Variants in OR51B5 observed in about 807,000 individuals in gnomAD.
OR51B5 encodes olfactory receptor 51B5.
For synonymous variants in OR51B5, 186 were observed against 144.8 expected (o/e 1.28, Z -2.04); for missense variants, 456 against 374.6 (o/e 1.22, Z -1.79).
At chr11:5,360,987 C>G (rs12287358) in intron 1 of OR51B5, among the ~76,000 whole-genome samples, 1 of 145,724 alleles carries the variant, frequency 6.9e-6, no homozygotes, top group African/African-American at 2.6e-5. Flanking sequence ...CCAGGGCCTG[C>G]AGTGGGGTGG....
intron 1 of OR51B5, chr11:5,392,184 T>C (rs780471536): frequency 6.6e-6 from 1 of 152,272 alleles, no homozygotes; most frequent in African/African-American, 2.4e-5. Context: ...CATGTTTGTA[T>C]GTGTGGGTGT....
At chr11:5,373,944 A>C (rs975286205) in intron 1 of OR51B5, among the ~76,000 whole-genome samples, 3 of 152,216 alleles carry the variant, frequency 2.0e-5, no homozygotes, top group Admixed American at 6.5e-5. Flanking sequence ...CTGCAGACTT[A>C]AATGTCCCTG....
intron 1 of OR51B5, chr11:5,441,233 A>T: frequency 1.9e-6 from 3 of 1,614,010 alleles, no homozygotes; most frequent in Non-Finnish European, 2.5e-6. Flanking sequence ...CATTAAACGC[A>T]ACATGGTTGT....
At chr11:5,440,973 C>A (rs867585443) in intron 1 of OR51B5, 1 of 1,613,892 alleles carries the variant, frequency 6.2e-7, no homozygotes, top group South Asian at 1.1e-5. Flanking sequence ...TGGATGGAGA[C>A]AGTAGGAGTG....
At chr11:5,342,436 A>G, downstream of OR51B5, 1 of 961,708 alleles carries the variant, frequency 1.0e-6, no homozygotes, top group Non-Finnish European at 1.5e-6. Context: ...AGTTGGGCTT[A>G]AAGAGATACC....
chr11:5,488,687 C>A, intron 1 of OR51B5: 3 of 1,514,158 alleles, frequency 2.0e-6, no homozygotes, highest in Non-Finnish European at 2.7e-6. Flanking sequence ...TCAGAAAGAG[C>A]CCTTCATTTG....
intron 1 of OR51B5, among the ~76,000 whole-genome samples, chr11:5,409,608 G>GAAAGCACAAAAATTGAAAATAT (rs1422125180): frequency 6.6e-6 from 1 of 152,010 alleles, no homozygotes; most frequent in East Asian, 1.9e-4. Flanking sequence ...ATAGCCAAAT[G>GAAAGCACAAAAATTGAAAATAT]AAAGCACAAA....
chr11:5,341,118 T>C (rs1379643714), downstream of OR51B5: 1 of 152,174 alleles, frequency 6.6e-6, no homozygotes, highest in East Asian at 1.9e-4. Context: ...TTTCTTAAGT[T>C]GGACTCTCTA....
At chr11:5,371,511 A>C (rs59397650) in intron 1 of OR51B5, among the ~76,000 whole-genome samples, 4,687 of 152,198 alleles carry the variant, frequency 0.031, 239 homozygotes, top group African/African-American at 0.11. Context: ...AGAGAAAAAC[A>C]TATATCTCAT....
exon 1 of OR51B5, chr11:5,343,145 G>A: frequency 1.2e-6 from 2 of 1,613,858 alleles, no homozygotes; most frequent in Non-Finnish European, 8.5e-7. Context: ...ATATCTAAGA[G>A]GGTTGCAGAT....
At chr11:5,440,963 T>C in intron 1 of OR51B5, 3 of 1,613,930 alleles carry the variant, frequency 1.9e-6, no homozygotes, top group South Asian at 1.1e-5. Flanking sequence ...TCATGAGATC[T>C]GGATGGAGAC....
At chr11:5,351,721 A>C in intron 1 of OR51B5, 2 of 1,613,976 alleles carry the variant, frequency 1.2e-6, no homozygotes, top group Non-Finnish European at 8.5e-7. Context: ...CCTCGGAGTG[A>C]CATTGACCAC....
At chr11:5,343,700 T>G, upstream of OR51B5, 1 of 511,536 alleles carries the variant, frequency 2.0e-6, no homozygotes, top group Non-Finnish European at 3.4e-6. Context: ...CTCATACTAT[T>G]TGTATTCTTA....
At chr11:5,385,915 G>T (rs11037143) in intron 1 of OR51B5, among the ~76,000 whole-genome samples, 26,950 of 148,362 alleles carry the variant, frequency 0.18, 2,596 homozygotes, top group African/African-American at 0.26. Context: ...TTATACATAT[G>T]TGTACTTATA....
At chr11:5,445,926 T>TA (rs1472692197) in intron 1 of OR51B5, among the ~76,000 whole-genome samples, 4 of 152,012 alleles carry the variant, frequency 2.6e-5, no homozygotes, top group East Asian at 1.9e-4. Flanking sequence ...AATGCAGCCA[T>TA]AAAAAATGCT....
chr11:5,483,939 A>C (rs1048662175), intron 1 of OR51B5, among the ~76,000 whole-genome samples: 1 of 152,020 alleles, frequency 6.6e-6, no homozygotes, highest in Non-Finnish European at 1.5e-5. Flanking sequence ...CTCATACCAT[A>C]CTCCCTTGAA....
chr11:5,465,154 C>T (rs1192963786), intron 1 of OR51B5, among the ~76,000 whole-genome samples: 26 of 124,538 alleles, frequency 2.1e-4, no homozygotes, highest in African/African-American at 6.8e-4. Context: ...TGCAGTGAGC[C>T]GAGATCCCGC....
Position 5,357,637 on chromosome 11 carries a change from G to A in OR51B5, n.85-10727C>T, listed in dbSNP as rs576700889. Among the ~76,000 whole-genome samples, 897 of 151,130 alleles carry A rather than the reference G, an allele frequency of 5.9e-3. 7 individuals are homozygous for A. Among genetic ancestry groups the A allele is most frequent in the African/African-American group, 0.017 (684 of 41,100 alleles). On this transcript the variant is annotated intron_variant and non_coding_transcript_variant, in intron 1 of 4. Coordinates refer to the OR51B5 transcript ENST00000415970. The stretch of plus-strand genomic sequence containing the variant: ...AATTGAACTCAGCTCTGCACCAAGC[G>A]GACCTAATAGACATCTACAGAACTC...
At chr11:5,431,872 A>T (rs1850539436) in intron 1 of OR51B5, among the ~76,000 whole-genome samples, 1 of 152,222 alleles carries the variant, frequency 6.6e-6, no homozygotes, top group African/African-American at 2.4e-5. Flanking sequence ...TAAGTTTTTA[A>T]AAAAGTTTTA....
Sources: gnomAD v4.1 joint callset for allele counts (sites outside exome capture counted in the v4.1 genomes callset) on GRCh38, gnomAD v4.1.1 for gene constraint, MANE v1.5 for transcripts, NCBI Gene and HGNC (gene_info 2026-07-23, HGNC 2026-07-21) for gene names.